Variants in NTRK2 observed in about 807,000 individuals in gnomAD.
The protein encoded by NTRK2 is neurotrophic receptor tyrosine kinase 2, also known as BDNF/NT-3 growth factors receptor.
A neutral mutation model predicts 94.5 loss-of-function variants in NTRK2; 13 were observed. The observed-to-expected ratio is 0.14, with a 90% CI of 0.09 to 0.22. The LOEUF (loss-of-function observed/expected upper bound fraction) is 0.22, where lower values mean the gene tolerates loss of function less well. Among genes scored for constraint, NTRK2 ranks in the 10% least tolerant of loss-of-function variants. NTRK2 has a pLI of 1.00. For missense variants in NTRK2, 639 were observed against 1,071.2 expected, an observed-to-expected ratio of 0.60 and a Z score of 5.63; for synonymous variants, 372 against 407.4, an observed-to-expected ratio of 0.91 and a Z score of 1.05.
At chr9:84,940,660 C>T (rs1405918291) in intron 15 of NTRK2, among the ~76,000 whole-genome samples, 6 of 152,020 alleles carry the variant, frequency 3.9e-5, no homozygotes, top group Admixed American at 3.9e-4. Flanking sequence ...ACCAGAGCCA[C>T]TTGTCTCAGA....
chr9:84,889,032 C>T (rs1201961880), intron 14 of NTRK2, among the ~76,000 whole-genome samples: 2 of 130,334 alleles, frequency 1.5e-5, no homozygotes, highest in Admixed American at 8.8e-5. Context: ...GCTCTGTCAC[C>T]CAGGCTGGAG....
intron 17 of NTRK2, among the ~76,000 whole-genome samples, chr9:85,014,092 A>G (rs1401773245): frequency 6.6e-6 from 1 of 152,206 alleles, no homozygotes; most frequent in African/African-American, 2.4e-5. Flanking sequence ...TTGGTGGGGT[A>G]TGATCCTTTG....
chr9:84,865,826 A>G (rs1317575256), intron 13 of NTRK2, among the ~76,000 whole-genome samples: 1 of 152,174 alleles, frequency 6.6e-6, no homozygotes, highest in East Asian at 1.9e-4. Flanking sequence ...CCTGTGTAAT[A>G]CATATCTTGT....
chr9:84,868,671 G>A (rs2075706255), intron 14 of NTRK2, among the ~76,000 whole-genome samples: 3 of 152,150 alleles, frequency 2.0e-5, no homozygotes, highest in Admixed American at 6.6e-5. Flanking sequence ...TCATTGTGGT[G>A]TGAACAAGGT....
rs369196430 is a variant in NTRK2, at chr9:84,861,657, G to A, written c.1444+570G>A. Among the ~76,000 whole-genome samples the A allele has an allele frequency of 7.2e-5, 11 of 152,184 alleles. No individual in the cohort carries two copies. The East Asian group carries it at 7.7e-4, about 11-fold the overall frequency. On this transcript the variant is annotated intron_variant, in intron 13 of 18. Coordinates refer to ENST00000277120, the MANE Select transcript of NTRK2 (RefSeq NM_006180.6). ...AGCTTACCAAGTGAATGCAGATGAT[G>A]TAGCTCCTCATTAGAATTGAAATCA...
intron 17 of NTRK2, among the ~76,000 whole-genome samples, chr9:84,989,495 C>A (rs562217206): frequency 1.2e-4 from 19 of 152,166 alleles, no homozygotes; most frequent in African/African-American, 2.4e-4. Context: ...TGACATTGCC[C>A]CAGTATTGGC....
At chr9:84,905,602 T>A (rs917862846) in intron 14 of NTRK2, among the ~76,000 whole-genome samples, 18 of 152,212 alleles carry the variant, frequency 1.2e-4, no homozygotes, top group Admixed American at 9.8e-4. Flanking sequence ...CATGAAATTT[T>A]AGGTGTATAC....
chr9:84,887,411 A>T (rs1190369524), intron 14 of NTRK2, among the ~76,000 whole-genome samples: 1 of 152,198 alleles, frequency 6.6e-6, no homozygotes, highest in Non-Finnish European at 1.5e-5. Flanking sequence ...TAAGACCTTA[A>T]GACCTGCTCA....
At chr9:84,723,790 T>C (rs1588171072) in intron 7 of NTRK2, 81 bp downstream of exon 7, 1 of 1,557,796 alleles carries the variant, frequency 6.4e-7, no homozygotes. Flanking sequence ...CTAGTGATGA[T>C]CATTTGATAT....
intron 17 of NTRK2, among the ~76,000 whole-genome samples, chr9:84,991,236 G>T (rs907039012): frequency 2.0e-5 from 3 of 152,242 alleles, no homozygotes; most frequent in African/African-American, 7.2e-5. Context: ...TTCACATTTT[G>T]ATCAGAGCAC....
At chr9:84,862,407 T>A (rs2075379564) in intron 13 of NTRK2, among the ~76,000 whole-genome samples, 1 of 152,166 alleles carries the variant, frequency 6.6e-6, no homozygotes, top group South Asian at 2.1e-4. Flanking sequence ...TAAGACAGGG[T>A]CTTGCTTCTG....
chr9:84,821,103 C>T, intron 12 of NTRK2, among the ~76,000 whole-genome samples: 1 of 151,992 alleles, frequency 6.6e-6, no homozygotes, highest in Admixed American at 6.5e-5. Flanking sequence ...AACCTGTTTT[C>T]TTTTTTTTAT....
intron 14 of NTRK2, among the ~76,000 whole-genome samples, chr9:84,901,204 G>A (rs7029265): frequency 0.86 from 118,631 of 138,330 alleles, 51,131 homozygotes; most frequent in African/African-American, 0.93. Flanking sequence ...GTTTTGTTTT[G>A]TTTTATTTTA....
intron 2 of NTRK2, among the ~76,000 whole-genome samples, chr9:84,682,378 G>A (rs116129801): frequency 7.1e-4 from 108 of 152,222 alleles, no homozygotes; most frequent in African/African-American, 2.4e-3. Context: ...TGCAAGCAGC[G>A]CAAAGGAGTG....
At chr9:85,015,824 C>G (rs556067569) in intron 17 of NTRK2, among the ~76,000 whole-genome samples, 1 of 152,260 alleles carries the variant, frequency 6.6e-6, no homozygotes, top group East Asian at 1.9e-4. Flanking sequence ...GCATGAGTAA[C>G]TTGGCCCTGG....
chr9:84,749,346 T>G (rs2064380367), intron 11 of NTRK2, among the ~76,000 whole-genome samples: 1 of 152,198 alleles, frequency 6.6e-6, no homozygotes, highest in Non-Finnish European at 1.5e-5. Flanking sequence ...GGCCAAGAGC[T>G]TTGTATGTCT....
At chr9:84,768,250 G>C (rs1246684439) in intron 12 of NTRK2, among the ~76,000 whole-genome samples, 6 of 152,208 alleles carry the variant, frequency 3.9e-5, no homozygotes, top group Non-Finnish European at 7.3e-5. Flanking sequence ...GCCAAGTGTA[G>C]GAAATGCCAA....
chr9:84,760,429 C>CAAATGTA (rs1321673878), intron 12 of NTRK2, among the ~76,000 whole-genome samples: 7 of 152,076 alleles, frequency 4.6e-5, no homozygotes, highest in African/African-American at 1.7e-4. Context: ...AAAAATGTCG[C>CAAATGTA]AAATGTAAAC....
At chr9:84,685,365 CTTT>C (rs35011896) in intron 2 of NTRK2, among the ~76,000 whole-genome samples, 1 of 143,520 alleles carries the variant, frequency 7.0e-6, no homozygotes, top group Admixed American at 7.0e-5. Context: ...ACAGCTTCTT[CTTT>C]TTTTTTTTTT....
Sources: gnomAD v4.1 joint callset for allele counts (sites outside exome capture counted in the v4.1 genomes callset) on GRCh38, gnomAD v4.1.1 for gene constraint, MANE v1.5 for transcripts, NCBI Gene and HGNC (gene_info 2026-07-23, HGNC 2026-07-21) for gene names.